The following NPSR1 variants were observed in gnomAD, a reference collection of about 807,000 sequenced individuals.
NPSR1 encodes neuropeptide S receptor 1.
NPSR1 carries 48 observed loss-of-function variants against 46.9 expected under a neutral mutation model. That is an observed-to-expected ratio of 1.02 (90% CI 0.81 to 1.30). The LOEUF (loss-of-function observed/expected upper bound fraction) is 1.30. Among genes scored for constraint, NPSR1 ranks in the 50% most tolerant of loss-of-function variants. The pLI is 0.00. For missense variants in NPSR1, 450 were observed against 449.5 expected (o/e 1.00, Z -0.01); for synonymous variants, 176 against 168.1 (o/e 1.05, Z -0.36).
intron 2 of NPSR1, among the ~76,000 whole-genome samples, chr7:34,692,207 T>C (rs185740737): frequency 5.7e-4 from 87 of 152,214 alleles, no homozygotes; most frequent in African/African-American, 2.0e-3. Context: ...ATGGACCTAA[T>C]AGACATTTAT....
At chr7:34,857,364 A>T (rs1270753260) in intron 8 of NPSR1, among the ~76,000 whole-genome samples, 18 of 151,762 alleles carry the variant, frequency 1.2e-4, no homozygotes, top group Non-Finnish European at 2.6e-4. Context: ...TATCAAACTT[A>T]TCATGAAAGA....
chr7:34,789,481 A>G (rs1562728108), intron 3 of NPSR1, among the ~76,000 whole-genome samples: 3 of 151,914 alleles, frequency 2.0e-5, no homozygotes, highest in African/African-American at 7.2e-5. Flanking sequence ...AAAAAGCATC[A>G]TAACAAGCGA....
intron 4 of NPSR1, among the ~76,000 whole-genome samples, chr7:34,815,186 C>T (rs973194364): frequency 3.3e-5 from 5 of 152,030 alleles, no homozygotes; most frequent in East Asian, 1.9e-4. Flanking sequence ...AATGGTTAGA[C>T]GAATGGCTAA....
intron 2 of NPSR1, among the ~76,000 whole-genome samples, chr7:34,734,665 C>T (rs997846922): frequency 6.6e-6 from 1 of 152,146 alleles, no homozygotes; most frequent in African/African-American, 2.4e-5. Flanking sequence ...ACTAAAGGTG[C>T]TTGTTCTGAA....
At chr7:34,772,573 A>T (rs1786736257) in intron 2 of NPSR1, among the ~76,000 whole-genome samples, 1 of 152,162 alleles carries the variant, frequency 6.6e-6, no homozygotes, top group Admixed American at 6.6e-5. Flanking sequence ...TAGTACAGAA[A>T]AGAGTCAATA....
chr7:34,805,704 A>T (rs1352338639), intron 3 of NPSR1, among the ~76,000 whole-genome samples: 1 of 151,982 alleles, frequency 6.6e-6, no homozygotes, highest in Non-Finnish European at 1.5e-5. Context: ...ACATTATGAA[A>T]ATTTACAACT....
At chr7:34,798,694 C>A (rs35441532) in intron 3 of NPSR1, among the ~76,000 whole-genome samples, 5 of 151,936 alleles carry the variant, frequency 3.3e-5, no homozygotes, top group Non-Finnish European at 7.4e-5. Flanking sequence ...AACTTATATG[C>A]GATTTCCATC....
At chr7:34,737,986 T>C (rs1358681393) in intron 2 of NPSR1, among the ~76,000 whole-genome samples, 2 of 152,226 alleles carry the variant, frequency 1.3e-5, no homozygotes, top group East Asian at 3.9e-4. Context: ...AAGATTTTTA[T>C]CTGTTTTATT....
At chr7:34,781,762 C>T (rs1787242476) in intron 3 of NPSR1, among the ~76,000 whole-genome samples, 1 of 152,162 alleles carries the variant, frequency 6.6e-6, no homozygotes, top group South Asian at 2.1e-4. Context: ...CCTGGGAATG[C>T]CCACACTCCA....
chr7:34,665,574 C>T (rs542396662), intron 1 of NPSR1, among the ~76,000 whole-genome samples: 198 of 152,252 alleles, frequency 1.3e-3, no homozygotes, highest in Middle Eastern at 3.4e-3. Flanking sequence ...ACTGTCTTAC[C>T]ATAGTCTGAG....
intron 1 of NPSR1, among the ~76,000 whole-genome samples, chr7:34,663,087 G>GTGTT (rs1562634797): frequency 2.1e-5 from 2 of 96,298 alleles, no homozygotes; most frequent in Admixed American, 1.1e-4. Flanking sequence ...GTGTGTATGT[G>GTGTT]TGTGTGGCGG....
intron 2 of NPSR1, among the ~76,000 whole-genome samples, chr7:34,777,076 C>G (rs1459846737): frequency 6.6e-6 from 1 of 152,146 alleles, no homozygotes; most frequent in Non-Finnish European, 1.5e-5. Context: ...CTTAGCCACC[C>G]AAGCTGGTAT....
intron 3 of NPSR1, among the ~76,000 whole-genome samples, chr7:34,789,454 A>G (rs1285711907): frequency 6.6e-6 from 1 of 151,510 alleles, no homozygotes; most frequent in Non-Finnish European, 1.5e-5. Context: ...AGACATTACA[A>G]CTGATACCAT....
intron 4 of NPSR1, among the ~76,000 whole-genome samples, chr7:34,823,403 A>AAAAAAAC (rs1554336131): frequency 6.9e-6 from 1 of 144,986 alleles, no homozygotes; most frequent in Non-Finnish European, 1.5e-5. Flanking sequence ...TCACCAGAAA[A>AAAAAAAC]AAAAAAAAAA....
At chr7:34,773,561 G>C (rs1019971192) in intron 2 of NPSR1, among the ~76,000 whole-genome samples, 4 of 152,198 alleles carry the variant, frequency 2.6e-5, no homozygotes, top group Non-Finnish European at 5.9e-5. Flanking sequence ...ATGCAGGACA[G>C]AGGGGAACCA....
intron 2 of NPSR1, among the ~76,000 whole-genome samples, chr7:34,734,124 C>G (rs2128715319): frequency 6.6e-6 from 1 of 152,258 alleles, no homozygotes; most frequent in South Asian, 2.1e-4. Context: ...TTTAATAGCC[C>G]TGAAAAGATG....
intron 1 of NPSR1, among the ~76,000 whole-genome samples, chr7:34,665,545 C>T (rs548108294): frequency 1.3e-5 from 2 of 152,328 alleles, no homozygotes; most frequent in African/African-American, 4.8e-5. Context: ...CTCTTCACAT[C>T]CTGGACCACG....
At chr7:34,828,049 G>A (rs1353178503) in intron 5 of NPSR1, among the ~76,000 whole-genome samples, 3 of 152,120 alleles carry the variant, frequency 2.0e-5, no homozygotes. Context: ...ACCAGTTTCA[G>A]GGATTTTGTA....
intron 3 of NPSR1, among the ~76,000 whole-genome samples, chr7:34,802,561 C>A (rs1554333174): frequency 6.7e-6 from 1 of 149,390 alleles, no homozygotes; most frequent in Non-Finnish European, 1.5e-5. Flanking sequence ...ATACAAAAAT[C>A]AATTCAAGAT....
Sources: gnomAD v4.1 joint callset for allele counts (sites outside exome capture counted in the v4.1 genomes callset) on GRCh38, gnomAD v4.1.1 for gene constraint, MANE v1.5 for transcripts, NCBI Gene and HGNC (gene_info 2026-07-23, HGNC 2026-07-21) for gene names.